The following CDH4 variants were observed in gnomAD, a reference collection of about 807,000 sequenced individuals.
CDH4 encodes the protein cadherin 4.
In CDH4, 33 loss-of-function variants were observed where a neutral mutation model predicts 86.0. That is an observed-to-expected ratio of 0.38 (90% CI 0.29 to 0.51). The LOEUF is 0.51. CDH4 is among the 20% of genes least tolerant of loss of function. CDH4 has a pLI of 0.86. For missense variants in CDH4, 1,114 were observed against 1,307.4 expected (o/e 0.85, Z 2.28); for synonymous variants, 555 against 549.4 (o/e 1.01, Z -0.14).
intron 2 of CDH4, among the ~76,000 whole-genome samples, chr20:61,727,958 C>A (rs186255884): frequency 5.4e-4 from 83 of 152,330 alleles, no homozygotes; most frequent in Middle Eastern, 3.4e-3. Flanking sequence ...TAAGGAGAGG[C>A]CTTGCCCAGG....
intron 3 of CDH4, among the ~76,000 whole-genome samples, chr20:61,745,607 GTA>G (rs1167150519): frequency 6.6e-6 from 1 of 151,798 alleles, no homozygotes; most frequent in African/African-American, 2.4e-5. Flanking sequence ...CTAGGACGGT[GTA>G]TGTCATTTTC....
chr20:61,858,425 G>T (rs1041823362), intron 6 of CDH4, among the ~76,000 whole-genome samples: 1 of 151,504 alleles, frequency 6.6e-6, no homozygotes, highest in African/African-American at 2.4e-5. Context: ...CTGTGTGTGT[G>T]TCTGTGTCTA....
chr20:61,788,989 C>G (rs1979023331), intron 4 of CDH4, among the ~76,000 whole-genome samples: 1 of 152,210 alleles, frequency 6.6e-6, no homozygotes, highest in Non-Finnish European at 1.5e-5. Context: ...AAACCATGCC[C>G]CAGAAAGAGA....
intron 2 of CDH4, among the ~76,000 whole-genome samples, chr20:61,583,174 GGGGACAGAGGGCTCTGCGGA>G (rs1568697136): frequency 3.4e-5 from 2 of 58,268 alleles, no homozygotes; most frequent in African/African-American, 1.2e-4. Flanking sequence ...GCTCTGCGGG[GGGGACAGAGGGCTCTGCGGA>G]GGGACAGAGG....
chr20:61,806,735 C>A (rs1980158387), intron 4 of CDH4, among the ~76,000 whole-genome samples: 1 of 152,124 alleles, frequency 6.6e-6, no homozygotes, highest in African/African-American at 2.4e-5. Context: ...AACCTTGGTC[C>A]CTGCCACGGC....
chr20:61,423,212 A>G (rs1211714079), intron 2 of CDH4, among the ~76,000 whole-genome samples: 1 of 152,168 alleles, frequency 6.6e-6, no homozygotes, highest in Non-Finnish European at 1.5e-5. Flanking sequence ...CCTTGCACAC[A>G]TCAGTGATGA....
chr20:61,581,403 G>A (rs1329829960), intron 2 of CDH4, among the ~76,000 whole-genome samples: 4 of 152,168 alleles, frequency 2.6e-5, no homozygotes, highest in African/African-American at 9.7e-5. Flanking sequence ...GGACCCTGGA[G>A]AATTCATTTC....
chr20:61,512,777 T>A (rs1323817256), intron 2 of CDH4, among the ~76,000 whole-genome samples: 4 of 152,184 alleles, frequency 2.6e-5, no homozygotes, highest in Admixed American at 1.3e-4. Flanking sequence ...CAGGAGCACG[T>A]CCATTCCTGA....
At chr20:61,638,184 C>T (rs1439465383) in intron 2 of CDH4, among the ~76,000 whole-genome samples, 1 of 152,128 alleles carries the variant, frequency 6.6e-6, no homozygotes, top group Non-Finnish European at 1.5e-5. Flanking sequence ...AGGGAAGGCC[C>T]CACATATAAG....
chr20:61,506,782 A>C (rs2085744190), intron 2 of CDH4, among the ~76,000 whole-genome samples: 1 of 152,126 alleles, frequency 6.6e-6, no homozygotes, highest in African/African-American at 2.4e-5. Flanking sequence ...GCTCTGTCTA[A>C]CTCACTCTGG....
At position 61,772,921 on chromosome 20, in the gene CDH4, G is replaced by C. The variant is rs148474391; in HGVS notation, c.397-82G>C. The C allele has an allele frequency of 2.3e-6, 3 of 1,292,672 alleles. No individual in the cohort carries two copies. In the African/African-American group the frequency reaches 4.4e-5, roughly 19 times the overall value. 80.1% of individuals were successfully genotyped at this position (1,292,672 alleles called of 1,614,324 possible). On this transcript the variant is annotated intron_variant, in intron 3 of 15. Coordinates refer to ENST00000614565, the MANE Select transcript of CDH4 (RefSeq NM_001794.5). ...TTCCCTCTCAGTCTCGGGCAGTACA[G>C]ATCATCTTAGCAGATGCCATTTTCC...
chr20:61,619,691 C>T (rs1320859343), intron 2 of CDH4, among the ~76,000 whole-genome samples: 1 of 152,186 alleles, frequency 6.6e-6, no homozygotes, highest in Non-Finnish European at 1.5e-5. Context: ...GTGACTATGT[C>T]AAGCCGTTGT....
intron 2 of CDH4, among the ~76,000 whole-genome samples, chr20:61,384,523 G>T (rs2145454927): frequency 6.6e-6 from 1 of 152,298 alleles, no homozygotes; most frequent in East Asian, 1.9e-4. Flanking sequence ...CTGCAAACCA[G>T]TCTTTTCTGA....
chr20:61,614,881 C>T (rs914979542), intron 2 of CDH4, among the ~76,000 whole-genome samples: 1 of 151,986 alleles, frequency 6.6e-6, no homozygotes, highest in African/African-American at 2.4e-5. Context: ...TCCCAGCACC[C>T]ACTTTCTCCC....
chr20:61,457,579 G>A lies in CDH4; in HGVS notation c.169+202642G>A, dbSNP rs963331961. On this transcript the variant is annotated intron_variant, in intron 2 of 15. Coordinates refer to ENST00000614565, the MANE Select transcript of CDH4 (RefSeq NM_001794.5). ...GATGGTGATGCTGATGGTCACCATG[G>A]TGATGGTACGATGGTCATGATCATG... Among the ~76,000 whole-genome samples the A allele has an allele frequency of 2.0e-5, 3 of 152,192 alleles. No individual in the cohort carries two copies. In the East Asian group the frequency reaches 5.8e-4, roughly 29 times the overall value.
chr20:61,652,331 C>T (rs1199315687), intron 2 of CDH4, among the ~76,000 whole-genome samples: 1 of 131,576 alleles, frequency 7.6e-6, no homozygotes, highest in East Asian at 2.0e-4. Flanking sequence ...TGCAGTGGGA[C>T]CGTACCCTAC....
At chr20:61,714,697 ATGGCCT>A (rs2087933604) in intron 2 of CDH4, among the ~76,000 whole-genome samples, 1 of 152,172 alleles carries the variant, frequency 6.6e-6, no homozygotes, top group Non-Finnish European at 1.5e-5. Flanking sequence ...ACTTAGAATA[ATGGCCT>A]CTAGTTCCAT....
chr20:61,474,923 C>T (rs1373813231), intron 2 of CDH4, among the ~76,000 whole-genome samples: 1 of 152,106 alleles, frequency 6.6e-6, no homozygotes, highest in East Asian at 1.9e-4. Flanking sequence ...TGGTTGTAAA[C>T]TTAAGGTTTC....
At chr20:61,552,223 A>G (rs189902506) in intron 2 of CDH4, among the ~76,000 whole-genome samples, 211 of 152,396 alleles carry the variant, frequency 1.4e-3, no homozygotes, top group African/African-American at 4.5e-3. Flanking sequence ...TGTTAATTGT[A>G]TATATAAGAG....
Sources: gnomAD v4.1 joint callset for allele counts (sites outside exome capture counted in the v4.1 genomes callset) on GRCh38, gnomAD v4.1.1 for gene constraint, MANE v1.5 for transcripts, NCBI Gene and HGNC (gene_info 2026-07-23, HGNC 2026-07-21) for gene names.